Variants in INO80D observed in about 807,000 individuals in gnomAD.
INO80D encodes the protein INO80 complex subunit D.
INO80D carries 21 observed loss-of-function variants against 87.6 expected under a neutral mutation model. The observed-to-expected ratio is 0.24, with a 90% CI of 0.17 to 0.35. INO80D has a LOEUF of 0.35. Ranked by LOEUF, INO80D falls within the 10% of genes least tolerant of loss-of-function variation. The pLI is 1.00. For missense variants in INO80D, 982 were observed against 1,280.7 expected (o/e 0.77, Z 3.56); for synonymous variants, 440 against 491.0 (o/e 0.90, Z 1.37).
intron 6 of INO80D, 128 bp downstream of exon 6, chr2:206,027,983 A>G (rs1688662186): frequency 1.8e-6 from 1 of 554,390 alleles, no homozygotes. Flanking sequence ...AAGCAAGAAA[A>G]CCAAAACATA....
At chr2:206,008,259 C>A (rs1306172461) in intron 9 of INO80D, among the ~76,000 whole-genome samples, 1 of 148,480 alleles carries the variant, frequency 6.7e-6, no homozygotes, top group Non-Finnish European at 1.5e-5. Flanking sequence ...GTTGGGATTA[C>A]AGGCATGAGC....
At position 206,003,464 on chromosome 2, in the gene INO80D, C is replaced by A. The variant is rs1410764193; in HGVS notation, c.*904G>T. The A allele has an allele frequency of 6.6e-6, 1 of 152,192 alleles. No homozygotes were observed. Among genetic ancestry groups the A allele is most frequent in the Non-Finnish European group, 1.5e-5 (1 of 68,046 alleles). 9.4% of individuals were successfully genotyped at this position (152,192 alleles called of 1,614,324 possible). On this transcript the variant is annotated 3_prime_UTR_variant, in exon 11 of 11. Coordinates refer to ENST00000403263, the MANE Select transcript of INO80D (RefSeq NM_017759.5). ...CTGAAAAGACAAAGTGACCATCAGG[C>A]CCCAGAACCCCGGCAGCCTGCAGTC...
In INO80D at chr2:206,004,110, A is replaced by T. The variant is rs1687956361; in HGVS notation, c.*258T>A. On this transcript the variant is annotated 3_prime_UTR_variant, in exon 11 of 11. Transcript: ENST00000403263. The surrounding 1 kb of genome is among the most constrained non-coding windows in gnomAD (Gnocchi z 4.9). ...TTGCTGCTAAAAATCAATCCTATCCAGTCACTGTGCTGAACCACTAAGGAA... is the reference window on the plus strand; with the variant it reads ...TTGCTGCTAAAAATCAATCCTATCCTGTCACTGTGCTGAACCACTAAGGAA... 3.8e-6 allele frequency: 2 copies of T among 532,056 alleles called. No homozygotes were observed. The highest frequency in any genetic ancestry group is 6.8e-6 in the Non-Finnish European group (2 of 296,168). 33.0% of individuals were successfully genotyped at this position (532,056 alleles called of 1,614,324 possible). A position where few individuals can be genotyped will look rare whatever the true frequency, so the allele number is the denominator to read the frequency against.
At chr2:206,044,068 C>T (rs536103660) in intron 5 of INO80D, among the ~76,000 whole-genome samples, 36 of 152,180 alleles carry the variant, frequency 2.4e-4, no homozygotes, top group African/African-American at 7.9e-4. Context: ...TGGTGCACAC[C>T]TGTAGTTCCA....
intron 6 of INO80D, among the ~76,000 whole-genome samples, chr2:206,020,165 G>A (rs1688422672): frequency 6.6e-6 from 1 of 151,824 alleles, no homozygotes; most frequent in African/African-American, 2.4e-5. Flanking sequence ...AAGAACATGA[G>A]AGAAGAATCA....
intron 5 of INO80D, among the ~76,000 whole-genome samples, chr2:206,033,732 C>T (rs1450064335): frequency 6.6e-6 from 1 of 151,854 alleles, no homozygotes; most frequent in Non-Finnish European, 1.5e-5. Context: ...AGGAAATAAC[C>T]AATATCAGAG....
intron 3 of INO80D, among the ~76,000 whole-genome samples, chr2:206,060,542 A>AAC (rs1553620645): frequency 5.3e-5 from 8 of 150,976 alleles, no homozygotes; most frequent in African/African-American, 1.5e-4. Flanking sequence ...CAAAAAAAAA[A>AAC]AACAACAACA....
Position 206,069,984 on chromosome 2 carries a change from C to G in INO80D, c.-123-6740G>C, listed in dbSNP as rs113639982. Among the ~76,000 whole-genome samples the G allele has an allele frequency of 2.6e-5, 4 of 152,252 alleles. 1 individual carries two copies. Among genetic ancestry groups the G allele is most frequent in the African/African-American group, 9.6e-5 (4 of 41,552 alleles). ...AAGCCACGATTTTTCTATTTGAAAA[C>G]ATACGTTGGCCAGGTATGATGGTGC... On this transcript the variant is annotated intron_variant, in intron 1 of 10. Transcript: ENST00000403263.
At chr2:206,013,617 C>T (rs1688237989) in intron 8 of INO80D, among the ~76,000 whole-genome samples, 2 of 151,754 alleles carry the variant, frequency 1.3e-5, no homozygotes, top group South Asian at 4.2e-4. Context: ...AAAGCAGACA[C>T]TGAAGTACAG....
At chr2:206,020,090 T>TG (rs57688987) in intron 6 of INO80D, among the ~76,000 whole-genome samples, 507 of 14,448 alleles carry the variant, frequency 0.035, 3 homozygotes, top group Non-Finnish European at 0.094. Context: ...AGTATGTCTG[T>TG]TTTTTTTTTT....
chr2:206,048,105 T>A (rs1317667469), intron 4 of INO80D, among the ~76,000 whole-genome samples: 1 of 152,190 alleles, frequency 6.6e-6, no homozygotes, highest in East Asian at 1.9e-4. Flanking sequence ...TCCACCCGCC[T>A]TGGCCTCCCA....
chr2:206,012,008 C>T (rs532572748), intron 8 of INO80D, among the ~76,000 whole-genome samples: 1 of 152,290 alleles, frequency 6.6e-6, no homozygotes, highest in African/African-American at 2.4e-5. Context: ...AATGCGGAAA[C>T]TTGGGAAAAG....
In INO80D at chr2:206,071,239, A is replaced by G. The variant is rs1201450302; in HGVS notation, c.-123-7995T>C. ...CTCCCAAAGTGCTGGGATTACAGGC[A>G]TAAGCACCACGCCCGGCCTTTTTTT... On this transcript the variant is annotated intron_variant, in intron 1 of 10. Transcript: ENST00000403263. Among the ~76,000 whole-genome samples the G allele has an allele frequency of 1.6e-3, 2 of 1,214 alleles. 1 individual carries two copies. The highest frequency in any genetic ancestry group is 7.1e-3 in the African/African-American group (2 of 282). 0.8% of individuals were successfully genotyped at this position (1,214 alleles called of 152,430 possible).
chr2:206,030,137 C>A (rs1418585212), intron 5 of INO80D, among the ~76,000 whole-genome samples: 4 of 152,130 alleles, frequency 2.6e-5, no homozygotes, highest in Non-Finnish European at 5.9e-5. Context: ...TAAAGTACCA[C>A]AACAGAGGTC....
chr2:206,076,697 T>G (rs1476982520), intron 1 of INO80D, among the ~76,000 whole-genome samples: 2 of 152,242 alleles, frequency 1.3e-5, no homozygotes, highest in Non-Finnish European at 2.9e-5. Flanking sequence ...ATTAGGAATT[T>G]CAATGAACTT....
rs566059583 is a variant in INO80D at position 206,040,527 on chromosome 2, T to C, written c.1073+5977A>G. 10 of 228,462 alleles carry C rather than the reference T, an allele frequency of 4.4e-5. No individual in the cohort carries two copies. The East Asian group carries it at 1.1e-3, about 25-fold the overall frequency. 14.2% of individuals were successfully genotyped at this position (228,462 alleles called of 1,614,324 possible). On this transcript the variant is annotated intron_variant, in intron 5 of 10. Coordinates refer to ENST00000403263, the MANE Select transcript of INO80D (RefSeq NM_017759.5). The stretch of plus-strand genomic sequence containing the variant: ...CTGTCATCGTAAAGAACATTAATGA[T>C]GGCACCTCAGACTGCCCCTACATCC...
chr2:206,049,152 G>A (rs150485992), intron 4 of INO80D, among the ~76,000 whole-genome samples: 2,602 of 152,200 alleles, frequency 0.017, 45 homozygotes, highest in Non-Finnish European at 0.02. Flanking sequence ...GTTTAAATGA[G>A]TTTACATGTG....
intron 1 of INO80D, among the ~76,000 whole-genome samples, chr2:206,068,709 C>CT (rs1232618630): frequency 1.1e-4 from 16 of 151,030 alleles, no homozygotes; most frequent in South Asian, 4.2e-4. Flanking sequence ...TTTTTCTTTT[C>CT]TTTTTTTTGA....
intron 1 of INO80D, among the ~76,000 whole-genome samples, chr2:206,077,736 T>C (rs781096076): frequency 7.9e-5 from 12 of 152,134 alleles, no homozygotes; most frequent in Non-Finnish European, 1.0e-4. Flanking sequence ...CTCCTCAAAG[T>C]TCTTTTGTGC....
Sources: allele counts gnomAD v4.1 joint callset (sites outside exome capture counted in the v4.1 genomes callset), GRCh38; gene constraint gnomAD v4.1.1; non-coding constraint Gnocchi (gnomAD v3.1); transcripts MANE v1.5; gene names NCBI Gene and HGNC (gene_info 2026-07-23, HGNC 2026-07-21).